The following KCNQ5 variants were observed in gnomAD, a reference collection of about 807,000 sequenced individuals.
KCNQ5 encodes potassium voltage-gated channel subfamily Q member 5.
KCNQ5 carries 30 observed loss-of-function variants against 98.2 expected under a neutral mutation model. The ratio of observed to expected loss-of-function variants is 0.31; its 90% CI spans 0.23 to 0.41. The LOEUF is 0.41. Among genes scored for constraint, KCNQ5 ranks in the 10% least tolerant of loss-of-function variants. The probability of loss-of-function intolerance (pLI) is 1.00; values close to 1 mark genes in which losing one functional copy is unlikely to be tolerated. For missense variants in KCNQ5, 835 were observed against 1,182.5 expected (o/e 0.71, Z 4.31); for synonymous variants, 458 against 449.4 (o/e 1.02, Z -0.24).
intron 5 of KCNQ5, among the ~76,000 whole-genome samples, chr6:73,099,937 G>A (rs145006883): frequency 1.3e-5 from 2 of 152,270 alleles, no homozygotes; most frequent in African/African-American, 2.4e-5. Context: ...TAGGCCACAT[G>A]TTAGGCCACA....
chr6:72,911,308 T>G (rs989677409), intron 1 of KCNQ5, among the ~76,000 whole-genome samples: 17 of 152,264 alleles, frequency 1.1e-4, no homozygotes, highest in African/African-American at 3.6e-4. Flanking sequence ...TGATGAATGT[T>G]ATTAATGTCC....
At chr6:73,081,302 T>G (rs1325907382) in intron 5 of KCNQ5, among the ~76,000 whole-genome samples, 1 of 152,204 alleles carries the variant, frequency 6.6e-6, no homozygotes, top group African/African-American at 2.4e-5. Context: ...AAAGGGGATC[T>G]TCTGATTGTT....
At chr6:73,127,011 T>C (rs868128490) in intron 9 of KCNQ5, among the ~76,000 whole-genome samples, 2 of 152,016 alleles carry the variant, frequency 1.3e-5, no homozygotes, top group African/African-American at 2.4e-5. Flanking sequence ...AAGCTGAAGC[T>C]CCCATTTAAT....
At chr6:73,175,709 C>A (rs867185343) in intron 11 of KCNQ5, among the ~76,000 whole-genome samples, 12 of 152,252 alleles carry the variant, frequency 7.9e-5, no homozygotes, top group Admixed American at 2.0e-4. Flanking sequence ...CAACTGTGCA[C>A]CAGGCACAGA....
intron 1 of KCNQ5, among the ~76,000 whole-genome samples, chr6:72,795,377 C>T (rs1025180383): frequency 7.2e-5 from 11 of 152,114 alleles, no homozygotes; most frequent in African/African-American, 2.4e-4. Flanking sequence ...AGTGGCCCAA[C>T]CCAAGAGGGA....
chr6:73,114,871 A>G (rs1384803061), intron 7 of KCNQ5, among the ~76,000 whole-genome samples: 1 of 152,228 alleles, frequency 6.6e-6, no homozygotes, highest in Non-Finnish European at 1.5e-5. Context: ...AAAGAAAAAT[A>G]TATATATTTG....
At chr6:72,930,466 T>C (rs935756984) in intron 1 of KCNQ5, among the ~76,000 whole-genome samples, 6 of 151,980 alleles carry the variant, frequency 3.9e-5, no homozygotes, top group Non-Finnish European at 7.4e-5. Flanking sequence ...AACAGACCAT[T>C]TGTGCCATGT....
At chr6:72,792,083 A>G (rs761446018) in intron 1 of KCNQ5, among the ~76,000 whole-genome samples, 3 of 152,224 alleles carry the variant, frequency 2.0e-5, no homozygotes, top group Non-Finnish European at 4.4e-5. Flanking sequence ...TAAAATCTTG[A>G]TTTGAGCTTC....
At chr6:73,115,658 T>A (rs2350750) in intron 7 of KCNQ5, among the ~76,000 whole-genome samples, 9 of 152,170 alleles carry the variant, frequency 5.9e-5, no homozygotes, top group Non-Finnish European at 1.2e-4. Context: ...AACCTAGAAC[T>A]CTATATCCAG....
chr6:72,881,126 A>T (rs1015420659), intron 1 of KCNQ5, among the ~76,000 whole-genome samples: 4 of 152,226 alleles, frequency 2.6e-5, no homozygotes, highest in African/African-American at 9.6e-5. Flanking sequence ...TATTGTACTT[A>T]AACCTTAGGA....
At chr6:73,162,851 C>A (rs1777664666) in intron 10 of KCNQ5, among the ~76,000 whole-genome samples, 1 of 152,164 alleles carries the variant, frequency 6.6e-6, no homozygotes, top group African/African-American at 2.4e-5. Context: ...TGCAGGTTCT[C>A]TGGTTTCCTC....
chr6:73,055,368 C>T (rs1307305268), intron 3 of KCNQ5: 1 of 1,463,590 alleles, frequency 6.8e-7, no homozygotes, highest in Admixed American at 1.7e-5. Context: ...CACTATGGGG[C>T]TCTAGCCGGT....
chr6:72,786,781 C>T (rs975804575), intron 1 of KCNQ5, among the ~76,000 whole-genome samples: 2 of 151,530 alleles, frequency 1.3e-5, no homozygotes, highest in Admixed American at 6.6e-5. Context: ...CAGAGGCGGG[C>T]GGATCACGAG....
chr6:72,821,744 G>T (rs1414299109), intron 1 of KCNQ5, among the ~76,000 whole-genome samples: 1 of 151,198 alleles, frequency 6.6e-6, no homozygotes, highest in African/African-American at 2.4e-5. Flanking sequence ...ATTATTTCTT[G>T]CCTGGACTAT....
At chr6:73,006,973 C>A (rs1000884015) in intron 2 of KCNQ5, among the ~76,000 whole-genome samples, 3 of 152,180 alleles carry the variant, frequency 2.0e-5, no homozygotes, top group African/African-American at 7.2e-5. Context: ...CTCTTTTCCA[C>A]CTAATTGTTC....
intron 1 of KCNQ5, among the ~76,000 whole-genome samples, chr6:72,821,624 GT>G (rs567680340): frequency 5.7e-4 from 80 of 140,830 alleles, no homozygotes; most frequent in African/African-American, 8.5e-4. Flanking sequence ...GTTTGGTTTT[GT>G]TTTTTTTTTT....
intron 1 of KCNQ5, among the ~76,000 whole-genome samples, chr6:72,770,376 A>T (rs1464487299): frequency 6.6e-6 from 1 of 152,120 alleles, no homozygotes; most frequent in Non-Finnish European, 1.5e-5. Context: ...GATGATGGTG[A>T]AATGTTTCAG....
intron 3 of KCNQ5, among the ~76,000 whole-genome samples, chr6:73,071,425 G>T (rs184151093): frequency 3.3e-5 from 5 of 152,204 alleles, no homozygotes; most frequent in Admixed American, 3.3e-4. Flanking sequence ...AAAACCAAAA[G>T]TAACCTAAAA....
chr6:73,098,987 G>T (rs182275745), intron 5 of KCNQ5, among the ~76,000 whole-genome samples: 4,051 of 152,106 alleles, frequency 0.027, 83 homozygotes, highest in East Asian at 0.1. Flanking sequence ...ACAACAAAAA[G>T]TTTAAAAGTG....
Sources: allele counts gnomAD v4.1 joint callset (sites outside exome capture counted in the v4.1 genomes callset), GRCh38; gene constraint gnomAD v4.1.1; transcripts MANE v1.5; gene names NCBI Gene and HGNC (gene_info 2026-07-23, HGNC 2026-07-21).